NACC2: variants seen among roughly 807,000 people sequenced by gnomAD.
The protein encoded by NACC2 is nucleus accumbens-associated protein 2.
In NACC2, 8 loss-of-function variants were observed where a neutral mutation model predicts 25.1. The observed-to-expected ratio is 0.32, with a 90% CI of 0.19 to 0.57. The LOEUF is 0.57. Among genes scored for constraint, NACC2 ranks in the 20% least tolerant of loss-of-function variants. The pLI, the probability that NACC2 is intolerant of heterozygous loss-of-function variation, is 0.89. For synonymous variants in NACC2, 435 were observed against 294.7 expected (o/e 1.48, Z -4.88); for missense variants, 644 against 650.2 (o/e 0.99, Z 0.10).
chr9:136,061,309 A>T (rs1411006588), intron 1 of NACC2, among the ~76,000 whole-genome samples: 1 of 152,042 alleles, frequency 6.6e-6, no homozygotes, highest in Non-Finnish European at 1.5e-5. Flanking sequence ...GACCCACAGC[A>T]GGCTCTGCCC....
intron 2 of NACC2, among the ~76,000 whole-genome samples, chr9:136,046,006 C>T (rs1020234726): frequency 2.6e-5 from 4 of 152,182 alleles, no homozygotes; most frequent in Non-Finnish European, 4.4e-5. Context: ...TGAGCCCCAG[C>T]GGGAATGCAG....
chr9:136,046,232 T>C (rs1011749501), intron 2 of NACC2, among the ~76,000 whole-genome samples: 1 of 152,146 alleles, frequency 6.6e-6, no homozygotes, highest in Non-Finnish European at 1.5e-5. Flanking sequence ...CATTTCGCAA[T>C]CTCTAGCTCA....
chr9:136,057,820 G>T (rs543862240), intron 1 of NACC2, among the ~76,000 whole-genome samples: 1 of 152,334 alleles, frequency 6.6e-6, no homozygotes, highest in East Asian at 1.9e-4. Context: ...CACCACTGGG[G>T]CCGGGGGTTG....
Position 136,017,995 on chromosome 9 carries a change from G to A in NACC2, c.887-1566C>T, listed in dbSNP as rs566518847. On this transcript the variant is annotated intron_variant, in intron 2 of 5. Transcript: ENST00000277554. Reference sequence around the variant, plus strand: ...CGGCATGGTCCCCTCGGCAGCCTCAGTGTGATGGGAAGTCCCCCGGTGGGG... The same window carrying A: ...CGGCATGGTCCCCTCGGCAGCCTCAATGTGATGGGAAGTCCCCCGGTGGGG... 1.4e-3 allele frequency among the ~76,000 whole-genome samples: 206 copies of A among 152,298 alleles called. 1 individual carries two copies. Among genetic ancestry groups the A allele is most frequent in the African/African-American group, 4.7e-3 (194 of 41,576 alleles).
At chr9:136,046,949 C>T (rs965078569) in intron 2 of NACC2, among the ~76,000 whole-genome samples, 1 of 152,150 alleles carries the variant, frequency 6.6e-6, no homozygotes, top group African/African-American at 2.4e-5. Flanking sequence ...GTTCTTAACG[C>T]GAGAGAGGGT....
chr9:136,045,598 T>TC (rs1840711082), intron 2 of NACC2, among the ~76,000 whole-genome samples: 1 of 152,046 alleles, frequency 6.6e-6, no homozygotes, highest in South Asian at 2.1e-4. Flanking sequence ...GGCAGCCCCC[T>TC]CCCCTTCAGA....
At position 136,017,729 on chromosome 9, in the gene NACC2, G is replaced by A. The variant is rs533782111; in HGVS notation, c.887-1300C>T. ...CCTGCTCAGGTGAGGGCGGAGCACCGCCTCCCTCATTCCTGTGTCCCAGCA... is the reference window on the plus strand; with the variant it reads ...CCTGCTCAGGTGAGGGCGGAGCACCACCTCCCTCATTCCTGTGTCCCAGCA... On this transcript the variant is annotated intron_variant, in intron 2 of 5. Transcript: ENST00000277554. Among the ~76,000 whole-genome samples, 4 of 152,314 alleles carry A rather than the reference G, an allele frequency of 2.6e-5. No individual in the cohort carries two copies. In the South Asian group the frequency reaches 8.3e-4, roughly 32 times the overall value.
chr9:136,021,900 G>T (rs762440693), intron 2 of NACC2, among the ~76,000 whole-genome samples: 3 of 152,234 alleles, frequency 2.0e-5, no homozygotes, highest in Non-Finnish European at 4.4e-5. Context: ...TAAACTTGGG[G>T]GACAGAGAAT....
intron 1 of NACC2, among the ~76,000 whole-genome samples, chr9:136,065,525 C>T (rs1841069443): frequency 6.6e-6 from 1 of 152,162 alleles, no homozygotes; most frequent in Non-Finnish European, 1.5e-5. Flanking sequence ...GTGGTTGAGG[C>T]AGGATAATTG....
At position 136,049,936 on chromosome 9, in the gene NACC2, C is replaced by G. The variant is rs1840792222; in HGVS notation, c.586G>C (p.Gly196Arg). 1.4e-5 allele frequency: 8 copies of G among 579,036 alleles called. 1 individual carries two copies. In the Admixed American group the frequency reaches 1.7e-4, roughly 12 times the overall value. The allele number at this position is 579,036 out of a possible 1,614,324, so 35.9% of individuals were successfully genotyped here. A position where few individuals can be genotyped will look rare whatever the true frequency, so the allele number is the denominator to read the frequency against. Reference sequence around the variant, plus strand: ...GCCACCGCCACGCCGTCCCGGGGCCCCGTCTCCAGCGGGCGCTTGGGGGCC... The same window carrying G: ...GCCACCGCCACGCCGTCCCGGGGCCGCGTCTCCAGCGGGCGCTTGGGGGCC... ...GLAPKRPLET[G>R]PRDGVAVAAG... Residue 196 changes from glycine (G) to arginine (R), a missense_variant, in exon 2 of 6, where the codon GGG (glycine) becomes CGG (arginine). Physicochemically the swap from Gly to Arg is moderately radical, Grantham distance 125. Transcript: ENST00000277554.
At chr9:136,014,495 C>T (rs1485585033) in intron 3 of NACC2, among the ~76,000 whole-genome samples, 1 of 152,162 alleles carries the variant, frequency 6.6e-6, no homozygotes, top group Admixed American at 6.5e-5. Context: ...CCCTATGTTG[C>T]CCAGACTGGT....
At position 136,007,655 on chromosome 9, in the gene NACC2, G is replaced by A. The variant is rs1475391383; in HGVS notation, c.*3861C>T. The A allele has an allele frequency of 2.0e-5, 3 of 152,298 alleles. No individual in the cohort carries two copies. The highest frequency in any genetic ancestry group is 4.4e-5 in the Non-Finnish European group (3 of 68,074). The allele number at this position is 152,298 out of a possible 1,614,324, so 9.4% of individuals were successfully genotyped here. On this transcript the variant is annotated 3_prime_UTR_variant, in exon 6 of 6. Coordinates refer to ENST00000277554, the MANE Select transcript of NACC2 (RefSeq NM_144653.5). ...ACATTCTGAAACAGTAGTTACAGCT[G>A]AGGACAGCTACGAGCTCTGGATTCT... is the stretch of plus-strand genomic sequence containing the variant.
intron 2 of NACC2, among the ~76,000 whole-genome samples, chr9:136,031,290 T>C (rs937469189): frequency 2.0e-5 from 3 of 152,036 alleles, no homozygotes; most frequent in African/African-American, 7.2e-5. Flanking sequence ...TCGGTATCAA[T>C]GTTAGTGCCC....
intron 1 of NACC2, among the ~76,000 whole-genome samples, chr9:136,060,102 C>T: frequency 6.6e-6 from 1 of 152,208 alleles, no homozygotes. Context: ...ATTTTTAAGC[C>T]CATTTACTAG....
intron 1 of NACC2, among the ~76,000 whole-genome samples, chr9:136,080,232 G>A (rs73552968): frequency 0.016 from 2,471 of 152,312 alleles, 68 homozygotes; most frequent in African/African-American, 0.056. Context: ...CCCCCAGCCT[G>A]TACAGCCTCA....
At chr9:136,090,619 G>A (rs1042706272) in intron 1 of NACC2, among the ~76,000 whole-genome samples, 16 of 152,230 alleles carry the variant, frequency 1.1e-4, no homozygotes, top group African/African-American at 9.6e-5. Flanking sequence ...AGCACAGCCC[G>A]GATTCCAGCC....
chr9:136,091,905 G>C (rs1676937635), intron 1 of NACC2, among the ~76,000 whole-genome samples: 2 of 152,110 alleles, frequency 1.3e-5, no homozygotes, highest in Admixed American at 6.5e-5. Context: ...AACAGAGGCG[G>C]AGGCAGGCGT....
At chr9:136,092,784 G>A (rs556553308) in intron 1 of NACC2, among the ~76,000 whole-genome samples, 1 of 152,342 alleles carries the variant, frequency 6.6e-6, no homozygotes, top group East Asian at 1.9e-4. Flanking sequence ...GGAGAAACAT[G>A]CTGGTGTATC....
intron 2 of NACC2, among the ~76,000 whole-genome samples, chr9:136,024,368 GA>G (rs1239191616): frequency 7.9e-5 from 11 of 139,684 alleles, no homozygotes; most frequent in African/African-American, 3.0e-4. Context: ...TGTGAGGACA[GA>G]AGGTGTGTGT....
Sources: allele counts gnomAD v4.1 joint callset (sites outside exome capture counted in the v4.1 genomes callset), GRCh38; gene constraint gnomAD v4.1.1; transcripts MANE v1.5; gene names NCBI Gene and HGNC (gene_info 2026-07-23, HGNC 2026-07-21).